Variants in LRRC37A observed in about 807,000 individuals in gnomAD.
LRRC37A encodes leucine rich repeat containing 37A, also known as leucine-rich repeat-containing protein 37A.
In LRRC37A, 3 loss-of-function variants were observed where a neutral mutation model predicts 35.4. That is an observed-to-expected ratio of 0.08 (90% CI 0.04 to 0.22). LRRC37A has a LOEUF of 0.22. LRRC37A is among the 10% of genes least tolerant of loss of function. The pLI, the probability that LRRC37A is intolerant of heterozygous loss-of-function variation, is 1.00. For missense variants in LRRC37A, 67 were observed against 565.3 expected (o/e 0.12, Z 8.94); for synonymous variants, 23 against 215.0 (o/e 0.11, Z 7.81).
chr17:46,266,364 T>A, the LRRC37A span, among the ~76,000 whole-genome samples: 7 of 152,048 alleles, frequency 4.6e-5, no homozygotes, highest in Admixed American at 2.6e-4. Flanking sequence ...TGTGATGCTA[T>A]CCTCGCCCGC....
At chr17:46,254,605 G>A in the LRRC37A span, among the ~76,000 whole-genome samples, 9 of 151,020 alleles carry the variant, frequency 6.0e-5, no homozygotes, top group Admixed American at 2.0e-4. Context: ...GCAGTGGCGC[G>A]GTCTTGGCTC....
chr17:46,285,481 T>G, the LRRC37A span, among the ~76,000 whole-genome samples: 1 of 152,016 alleles, frequency 6.6e-6, no homozygotes, highest in African/African-American at 2.4e-5. Flanking sequence ...ACCTCATGAT[T>G]TGCCCACCTC....
chr17:46,255,332 A>G, the LRRC37A span, among the ~76,000 whole-genome samples: 1 of 146,642 alleles, frequency 6.8e-6, no homozygotes, highest in Non-Finnish European at 1.5e-5. Flanking sequence ...GGCTACTATT[A>G]TGGGCTAAGT....
At chr17:46,265,381 T>TCTC in the LRRC37A span, among the ~76,000 whole-genome samples, 1 of 129,460 alleles carries the variant, frequency 7.7e-6, no homozygotes, top group Non-Finnish European at 1.9e-5. Context: ...TCCTTCTTCT[T>TCTC]TTCTCTTCCT....
chr17:46,279,494 T>C, the LRRC37A span, among the ~76,000 whole-genome samples: 1 of 132,810 alleles, frequency 7.5e-6, no homozygotes. Context: ...TTTTTTTTCT[T>C]TCTTTCTTTT....
the LRRC37A span, chr17:46,268,683 C>A: frequency 1.3e-6 from 2 of 1,488,016 alleles, no homozygotes; most frequent in Non-Finnish European, 1.8e-6. Flanking sequence ...AATTCATACC[C>A]AATGCATTTG....
At chr17:46,271,196 G>A in the LRRC37A span, among the ~76,000 whole-genome samples, 6 of 133,998 alleles carry the variant, frequency 4.5e-5, no homozygotes, top group Non-Finnish European at 6.4e-5. Flanking sequence ...AAGGAGTTTC[G>A]CTCTTGTTGC....
upstream of LRRC37A, among the ~76,000 whole-genome samples, chr17:46,290,851 C>A (rs2050047643): frequency 6.6e-6 from 1 of 152,214 alleles, no homozygotes; most frequent in Non-Finnish European, 1.5e-5. Context: ...ATTCCCCACG[C>A]CAAAATTTCA....
At chr17:46,255,681 GTT>G in the LRRC37A span, among the ~76,000 whole-genome samples, 2 of 114,500 alleles carry the variant, frequency 1.7e-5, no homozygotes, top group African/African-American at 3.2e-5. Flanking sequence ...ATTGTTTTTT[GTT>G]TTTTTTTTTT....
At chr17:46,265,933 C>T in the LRRC37A span, among the ~76,000 whole-genome samples, 1 of 152,218 alleles carries the variant, frequency 6.6e-6, no homozygotes, top group Admixed American at 6.5e-5. Context: ...CCCGTCTCTG[C>T]TAAATATACA....
At position 46,335,538 on chromosome 17, in the gene LRRC37A, A is replaced by G. The variant is rs775461483; in HGVS notation, c.4810-7A>G. The G allele has an allele frequency of 4.9e-5, 9 of 182,002 alleles. 3 individuals are homozygous for G. Among genetic ancestry groups the G allele is most frequent in the East Asian group, 2.7e-4 (9 of 32,850 alleles). 11.3% of individuals were successfully genotyped at this position (182,002 alleles called of 1,614,324 possible). A position where few individuals can be genotyped will look rare whatever the true frequency, so the allele number is the denominator to read the frequency against. On this transcript the variant is annotated splice_region_variant and splice_polypyrimidine_tract_variant and intron_variant, in intron 10 of 13. Coordinates refer to ENST00000320254, the Ensembl canonical transcript of LRRC37A. ...GATAATCTTAATTGCGTTTTCTTCT[A>G]AAACAGATATGTTGTCACCGAAGGT...
chr17:46,311,673 T>C (rs1247880225), intron 5 of LRRC37A, among the ~76,000 whole-genome samples: 1 of 85,702 alleles, frequency 1.2e-5, no homozygotes, highest in African/African-American at 3.5e-5. Flanking sequence ...TTCTGTCCCA[T>C]TGTTCTACAG....
the LRRC37A span, among the ~76,000 whole-genome samples, chr17:46,272,329 A>C: frequency 6.6e-6 from 1 of 152,220 alleles, no homozygotes; most frequent in Non-Finnish European, 1.5e-5. Context: ...TGTTATATAG[A>C]TCTTAATAGC....
the LRRC37A span, among the ~76,000 whole-genome samples, chr17:46,250,133 G>A: frequency 2.6e-5 from 4 of 152,204 alleles, no homozygotes; most frequent in Admixed American, 6.5e-5. Flanking sequence ...GTTTTGCCAT[G>A]TTGGCCAGGT....
At chr17:46,255,528 G>A in the LRRC37A span, among the ~76,000 whole-genome samples, 130 of 150,380 alleles carry the variant, frequency 8.6e-4, 1 homozygote, top group Non-Finnish European at 7.4e-4. Flanking sequence ...CACCACACCC[G>A]GCTAATTTTG....
the LRRC37A span, among the ~76,000 whole-genome samples, chr17:46,277,621 G>C: frequency 1.4e-5 from 2 of 146,054 alleles, no homozygotes; most frequent in South Asian, 4.2e-4. Flanking sequence ...TCTCTGGGTA[G>C]ATTTCTTTTC....
chr17:46,277,640 T>C, the LRRC37A span, among the ~76,000 whole-genome samples: 14,221 of 143,466 alleles, frequency 0.099, 1 homozygote, highest in Middle Eastern at 0.15. Context: ...TCTTTTCTTT[T>C]CTTTCTTTCT....
the LRRC37A span, among the ~76,000 whole-genome samples, chr17:46,280,038 C>T: frequency 6.6e-6 from 1 of 152,200 alleles, no homozygotes. Context: ...GAGTAATTCT[C>T]ATTGCTTTCC....
the LRRC37A span, among the ~76,000 whole-genome samples, chr17:46,278,937 A>G: frequency 4.6e-5 from 7 of 151,914 alleles, no homozygotes; most frequent in Non-Finnish European, 1.0e-4. Context: ...AGCTGGGATT[A>G]CAGGTGCCTG....
Sources: allele counts gnomAD v4.1 joint callset (sites outside exome capture counted in the v4.1 genomes callset), GRCh38; gene constraint gnomAD v4.1.1; transcripts MANE v1.5; gene names NCBI Gene and HGNC (gene_info 2026-07-23, HGNC 2026-07-21).